ZNF618: variants seen among roughly 807,000 people sequenced by gnomAD.
ZNF618 encodes neural precursor cell expressed, developmentally down-regulated 10.
In ZNF618, 34 loss-of-function variants were observed where a neutral mutation model predicts 103.0. The observed-to-expected ratio is 0.33, with a 90% CI of 0.25 to 0.44. The LOEUF is 0.44. Ranked by LOEUF, ZNF618 falls within the 20% of genes least tolerant of loss-of-function variation. The pLI, the probability that ZNF618 is intolerant of heterozygous loss-of-function variation, is 1.00. For synonymous variants in ZNF618, 551 were observed against 542.2 expected (o/e 1.02, Z -0.23); for missense variants, 1,059 against 1,295.4 (o/e 0.82, Z 2.80).
At chr9:113,959,596 T>A (rs904145194) in intron 1 of ZNF618, among the ~76,000 whole-genome samples, 6 of 152,096 alleles carry the variant, frequency 3.9e-5, no homozygotes, top group African/African-American at 9.7e-5. Flanking sequence ...TTCCCCCTTT[T>A]CCTTTATTTT....
intron 3 of ZNF618, 29 bp from the exon 4 acceptor site, chr9:113,998,230 G>A (rs1327987715): frequency 1.3e-6 from 2 of 1,547,510 alleles, no homozygotes; most frequent in Middle Eastern, 3.3e-4. Flanking sequence ...CAACTTTAAG[G>A]GCTCTTTCTG....
At chr9:114,048,019 A>G in intron 14 of ZNF618, 25 bp downstream of exon 14, 1 of 1,549,286 alleles carries the variant, frequency 6.5e-7, no homozygotes, top group Non-Finnish European at 8.8e-7. Context: ...GCAGGGCTGG[A>G]CCTGAGGGTC....
intron 1 of ZNF618, among the ~76,000 whole-genome samples, chr9:113,919,340 T>G (rs542214956): frequency 3.7e-4 from 57 of 152,226 alleles, no homozygotes; most frequent in Non-Finnish European, 6.5e-4. Flanking sequence ...GAGAGCCTCT[T>G]GCAGTCTCCC....
intron 12 of ZNF618, among the ~76,000 whole-genome samples, chr9:114,035,507 T>G (rs1248697063): frequency 6.6e-6 from 1 of 152,200 alleles, no homozygotes; most frequent in Non-Finnish European, 1.5e-5. Flanking sequence ...TTCACGGTCG[T>G]CGGGCAGCCT....
At chr9:113,904,038 T>C (rs1830771826) in intron 1 of ZNF618, among the ~76,000 whole-genome samples, 2 of 149,732 alleles carry the variant, frequency 1.3e-5, no homozygotes, top group African/African-American at 2.4e-5. Flanking sequence ...AGGATTCCAA[T>C]TGCATGTATA....
Position 114,049,109 on chromosome 9 carries a change from C to CACCACTGGGTGCAGAACG in ZNF618, c.1807_1808insACCACTGGGTGCAGAACG (p.Leu603delinsHisHisTrpValGlnAsnVal). Reference sequence around the variant, plus strand: ...TGTGCACCACTGGGTGCAGAACGTGCTGTCGGAGTTCGTGATGTCGGAGAT... The same window carrying CACCACTGGGTGCAGAACG: ...TGTGCACCACTGGGTGCAGAACGTGCACCACTGGGTGCAGAACGTGTCGGAGTTCGTGATGTCGGAGAT... On this transcript the variant is annotated protein_altering_variant, in exon 15 of 15. Coordinates refer to ENST00000374126, the MANE Select transcript of ZNF618 (RefSeq NM_001318042.2). 3 of 1,613,870 alleles carry CACCACTGGGTGCAGAACG rather than the reference C, an allele frequency of 1.9e-6. No individual in the cohort carries two copies. Among genetic ancestry groups the CACCACTGGGTGCAGAACG allele is most frequent in the Non-Finnish European group, 2.5e-6 (3 of 1,179,906 alleles).
chr9:113,926,822 G>A (rs1231397945), intron 1 of ZNF618, among the ~76,000 whole-genome samples: 1 of 152,172 alleles, frequency 6.6e-6, no homozygotes, highest in Non-Finnish European at 1.5e-5. Context: ...AGACCAGCCT[G>A]TGCAACATGG....
intron 2 of ZNF618, among the ~76,000 whole-genome samples, chr9:113,971,882 C>T (rs987095505): frequency 6.6e-6 from 1 of 152,136 alleles, no homozygotes. Flanking sequence ...GACTGAGCCC[C>T]TGTGTTACTA....
intron 6 of ZNF618, among the ~76,000 whole-genome samples, chr9:114,006,448 A>T (rs567529060): frequency 3.4e-4 from 51 of 152,184 alleles, no homozygotes; most frequent in African/African-American, 1.1e-3. Flanking sequence ...GAACACACAC[A>T]TGAGGTTCGT....
At chr9:113,876,601 G>A (rs907097310) in intron 1 of ZNF618, among the ~76,000 whole-genome samples, 188 bp downstream of exon 1, 1 of 151,934 alleles carries the variant, frequency 6.6e-6, no homozygotes, top group Non-Finnish European at 1.5e-5. Flanking sequence ...CGGGGTGCGA[G>A]GAGGGTGGGG....
chr9:114,015,110 G>A (rs756514482), intron 9 of ZNF618, among the ~76,000 whole-genome samples: 68 of 151,688 alleles, frequency 4.5e-4, no homozygotes, highest in Admixed American at 1.2e-3. Flanking sequence ...GAATCCTACC[G>A]AGAGCAAGTA....
chr9:113,922,307 T>C (rs1832717485), intron 1 of ZNF618, among the ~76,000 whole-genome samples: 1 of 152,138 alleles, frequency 6.6e-6, no homozygotes, highest in Non-Finnish European at 1.5e-5. Flanking sequence ...TTGATCTCAC[T>C]GTGGAGTGGT....
chr9:114,010,037 C>T (rs1234320535), intron 9 of ZNF618, among the ~76,000 whole-genome samples: 1 of 152,190 alleles, frequency 6.6e-6, no homozygotes, highest in African/African-American at 2.4e-5. Flanking sequence ...TGGCCGGGCA[C>T]GGTGGCTCAC....
At chr9:113,881,863 T>C (rs1000068322) in intron 1 of ZNF618, among the ~76,000 whole-genome samples, 17 of 152,358 alleles carry the variant, frequency 1.1e-4, no homozygotes, top group African/African-American at 4.1e-4. Context: ...CGCAGACTTC[T>C]GCCAGGGTTA....
chr9:113,988,564 C>T lies in ZNF618; in HGVS notation c.321C>T (p.Arg107=), dbSNP rs1757832754. 6.2e-7 allele frequency: 1 copy of T among 1,608,442 alleles called. No individual in the cohort carries two copies. The highest frequency in any genetic ancestry group is 8.5e-7 in the Non-Finnish European group (1 of 1,179,050). Residue 107 remains arginine (R), a synonymous_variant, in exon 3 of 15, where the codon CGC becomes CGT. Transcript: ENST00000374126. ...AEICVVIGGV[R]NQQTLDGKAP... is the part of the protein sequence containing the mutation. Reference sequence around the variant, plus strand: ...TCTGCGTGGTGATCGGCGGCGTCCGCAACCAGCAGACCCTTGGTGAGTGCC... The same window carrying T: ...TCTGCGTGGTGATCGGCGGCGTCCGTAACCAGCAGACCCTTGGTGAGTGCC...
At position 114,028,850 on chromosome 9, in the gene ZNF618, G is replaced by A. The variant is rs1440599682; in HGVS notation, c.962G>A (p.Gly321Glu). The A allele has an allele frequency of 1.4e-5, 22 of 1,550,464 alleles. No individual in the cohort carries two copies. Among genetic ancestry groups the A allele is most frequent in the Non-Finnish European group, 1.7e-5 (20 of 1,146,962 alleles). The change falls in exon 11 of 15, where the codon GGG becomes GAG. Residue 321 changes from glycine to glutamate, a missense_variant. Gly to Glu is a moderately conservative substitution (Grantham distance 98). Around this residue, in one of 6 missense-constraint regions of ZNF618, gnomAD observed 434 missense variants for 476.0 expected, o/e 0.91. Transcript: ENST00000374126. Reference protein sequence around the residue: ...VAAKTQTNQSGKKAPASVVRC... With the variant: ...VAAKTQTNQSEKKAPASVVRC... The stretch of plus-strand genomic sequence containing the variant: ...GCGAAGACCCAGACGAACCAGTCGG[G>A]GAAAAAAGCTCCGGCCTCCGTGGTC...
chr9:113,949,658 G>C (rs1171339454), intron 1 of ZNF618, among the ~76,000 whole-genome samples: 1 of 152,204 alleles, frequency 6.6e-6, no homozygotes, highest in Non-Finnish European at 1.5e-5. Flanking sequence ...CGGACTGAAG[G>C]GCAGGTCTCT....
At chr9:114,016,006 C>G (rs780505234) in intron 9 of ZNF618, 7 of 1,084,616 alleles carry the variant, frequency 6.5e-6, no homozygotes, top group Non-Finnish European at 9.6e-6. Context: ...CACCCTCCCC[C>G]AAGGGGGTAG....
At chr9:113,986,496 A>G (rs2133250140) in intron 2 of ZNF618, among the ~76,000 whole-genome samples, 1 of 152,336 alleles carries the variant, frequency 6.6e-6, no homozygotes, top group Non-Finnish European at 1.5e-5. Flanking sequence ...TTAGGTTGCC[A>G]GCACGGTTGG....
Sources: gnomAD v4.1 joint callset for allele counts (sites outside exome capture counted in the v4.1 genomes callset) on GRCh38, gnomAD v4.1.1 for gene constraint, gnomAD v4.1.1 regional missense constraint, MANE v1.5 for transcripts, NCBI Gene and HGNC (gene_info 2026-07-23, HGNC 2026-07-21) for gene names.